Variants in EPHB2 observed in about 807,000 individuals in gnomAD.
The protein encoded by EPHB2 is EPH receptor B2.
Under a neutral mutation model 96.4 loss-of-function variants are expected in EPHB2, and 18 were observed. That is an observed-to-expected ratio of 0.19 (90% CI 0.13 to 0.28). EPHB2 has a LOEUF of 0.28. EPHB2 is among the 10% of genes least tolerant of loss of function. EPHB2 has a pLI of 1.00. For synonymous variants in EPHB2, 506 were observed against 534.1 expected, an observed-to-expected ratio of 0.95 and a Z score of 0.72; for missense variants, 989 against 1,355.4, an observed-to-expected ratio of 0.73 and a Z score of 4.25.
In EPHB2 at chr1:22,913,522, C is replaced by T. The variant is rs779481910; in HGVS notation, c.2913C>T (p.Ile971=). The change falls in exon 16 of 16, where the codon ATC becomes ATT. Residue 971 remains isoleucine (I), a synonymous_variant. Transcript: ENST00000374630. This position sits in a 1 kb window ranked among gnomAD's most constrained non-coding sequence, Gnocchi z 4.1. ...AGHQKKILNS[I]QVMRAQMNQI... ...ACCAGAAAAAAATCCTGAACAGTAT[C>T]CAGGTGATGCGGGCGCAGATGAACC... 1.8e-5 allele frequency: 29 copies of T among 1,614,102 alleles called. No homozygotes were observed. Among genetic ancestry groups the T allele is most frequent in the Middle Eastern group, 1.6e-4 (1 of 6,084 alleles).
Position 22,756,056 on chromosome 1 carries a change from G to T in EPHB2, c.62-25365G>T, listed in dbSNP as rs1385914071. On this transcript the variant is annotated intron_variant, in intron 1 of 15. Transcript: ENST00000374630. ...TGTTCACTACATGGACTCAGGACAA[G>T]TGGGGAGGTGGAAACGCAGGGAGAG... Among the ~76,000 whole-genome samples the T allele has an allele frequency of 3.9e-5, 6 of 152,280 alleles. No individual in the cohort carries two copies. The East Asian group carries it at 1.2e-3, about 30-fold the overall frequency.
intron 9 of EPHB2, among the ~76,000 whole-genome samples, chr1:22,904,413 G>T (rs895220132): frequency 2.0e-5 from 3 of 152,102 alleles, no homozygotes; most frequent in Non-Finnish European, 4.4e-5. Context: ...GAAGCAGCAT[G>T]AATTACTTTT....
At chr1:22,795,446 G>A (rs545154651) in intron 3 of EPHB2, among the ~76,000 whole-genome samples, 3 of 145,486 alleles carry the variant, frequency 2.1e-5, no homozygotes, top group Non-Finnish European at 1.5e-5. Flanking sequence ...AATTCTTCAC[G>A]CCATACTGAA....
intron 3 of EPHB2, among the ~76,000 whole-genome samples, chr1:22,830,271 G>A (rs1031763856): frequency 2.0e-5 from 3 of 152,180 alleles, no homozygotes; most frequent in Non-Finnish European, 2.9e-5. Flanking sequence ...TCTGAGGAGA[G>A]GGGCGGTTCG....
intron 6 of EPHB2, chr1:22,882,752 T>C: frequency 2.4e-6 from 1 of 421,788 alleles, no homozygotes; most frequent in Non-Finnish European, 4.5e-6. Context: ...AACAGTCACA[T>C]CCCTTTCCCT....
At chr1:22,808,698 A>G (rs1204277058) in intron 3 of EPHB2, among the ~76,000 whole-genome samples, 2 of 152,386 alleles carry the variant, frequency 1.3e-5, no homozygotes, top group East Asian at 1.9e-4. Flanking sequence ...CTCTTAATGT[A>G]TATTTAATTC....
chr1:22,864,034 C>CTTTTTTTTTTT (rs201727615), intron 4 of EPHB2, among the ~76,000 whole-genome samples: 1 of 131,190 alleles, frequency 7.6e-6, no homozygotes, highest in East Asian at 2.8e-4. Context: ...AGTTTCTGTT[C>CTTTTTTTTTTT]TTTTTTTTTT....
At chr1:22,773,185 T>C (rs1292479862) in intron 1 of EPHB2, among the ~76,000 whole-genome samples, 2 of 152,228 alleles carry the variant, frequency 1.3e-5, no homozygotes, top group Non-Finnish European at 1.5e-5. Context: ...GATTTTGTCA[T>C]CTCCATTTTA....
intron 1 of EPHB2, among the ~76,000 whole-genome samples, chr1:22,712,298 CT>C (rs1446983309): frequency 1.3e-5 from 2 of 152,172 alleles, no homozygotes; most frequent in Admixed American, 6.5e-5. Context: ...GGTCTGTGGT[CT>C]TTCTTTGAAA....
Position 22,882,488 on chromosome 1 carries a change from C to A in EPHB2, c.1428+5C>A. 1 of 1,613,792 alleles carries A rather than the reference C, an allele frequency of 6.2e-7. No homozygotes were observed. Among genetic ancestry groups the A allele is most frequent in the Non-Finnish European group, 8.5e-7 (1 of 1,179,774 alleles). ...GAGCTGCAGTACTATGAGAAGGTAC[C>A]TATTGGCTGGGTGCTGTCCCCATCA... On this transcript the variant is annotated splice_donor_5th_base_variant and intron_variant, in intron 6 of 15. Coordinates refer to ENST00000374630, the MANE Select transcript of EPHB2 (RefSeq NM_017449.5).
At chr1:22,804,476 C>A (rs982661128) in intron 3 of EPHB2, among the ~76,000 whole-genome samples, 1 of 152,112 alleles carries the variant, frequency 6.6e-6, no homozygotes, top group Non-Finnish European at 1.5e-5. Flanking sequence ...GACGAGACAC[C>A]CCAGTCTGCC....
At chr1:22,804,497 A>G (rs1170744937) in intron 3 of EPHB2, among the ~76,000 whole-genome samples, 1 of 152,084 alleles carries the variant, frequency 6.6e-6, no homozygotes, top group African/African-American at 2.4e-5. Context: ...TGGGCCTGAA[A>G]GCGCACGCTC....
rs55743842 is a variant in EPHB2 at position 22,741,696 on chromosome 1, A to AAAAAAAAAAAAAAC, written c.61+30653_61+30654insAAAAAAAAAAAAAC. On this transcript the variant is annotated intron_variant, in intron 1 of 15. Transcript: ENST00000374630. ...CTTCCCAGCAAAAAAAAACAAAAAA[A>AAAAAAAAAAAAAAC]CAAAAAACCTCAGTTTCTCACGTTG... 7.6e-4 allele frequency among the ~76,000 whole-genome samples: 104 copies of AAAAAAAAAAAAAAC among 137,340 alleles called. 1 individual carries two copies. Among genetic ancestry groups the AAAAAAAAAAAAAAC allele is most frequent in the African/African-American group, 1.4e-3 (54 of 38,002 alleles). 90.1% of individuals were successfully genotyped at this position (137,340 alleles called of 152,430 possible).
intron 3 of EPHB2, among the ~76,000 whole-genome samples, chr1:22,837,211 G>A (rs1244696588): frequency 6.6e-6 from 1 of 152,212 alleles, no homozygotes; most frequent in Non-Finnish European, 1.5e-5. Flanking sequence ...TATAAAGAAA[G>A]CAGCTCAGGC....
chr1:22,876,596 C>G (rs1283382963), intron 5 of EPHB2, among the ~76,000 whole-genome samples: 1 of 152,214 alleles, frequency 6.6e-6, no homozygotes, highest in East Asian at 1.9e-4. Flanking sequence ...CCCTGGGGCT[C>G]CATCTCCTTG....
intron 11 of EPHB2, among the ~76,000 whole-genome samples, chr1:22,907,176 T>C (rs775099432): frequency 6.6e-6 from 1 of 152,210 alleles, no homozygotes; most frequent in Non-Finnish European, 1.5e-5. Flanking sequence ...AGAATTCTTC[T>C]CAGTATGGTT....
intron 9 of EPHB2, among the ~76,000 whole-genome samples, chr1:22,898,672 GC>G (rs1234471846): frequency 6.6e-6 from 1 of 152,176 alleles, no homozygotes; most frequent in African/African-American, 2.4e-5. Context: ...GACCAACGGG[GC>G]TGATGCAAGG....
chr1:22,835,085 G>A (rs1645360171), intron 3 of EPHB2, among the ~76,000 whole-genome samples: 1 of 151,702 alleles, frequency 6.6e-6, no homozygotes, highest in Non-Finnish European at 1.5e-5. Flanking sequence ...GTTCAAAAAA[G>A]GGGTACCTAT....
chr1:22,853,528 A>G lies in EPHB2; in HGVS notation c.812-9509A>G, dbSNP rs558756140. Reference sequence around the variant, plus strand: ...TCCTGGAGCACAGAAGAGCACCCCCAGACCCAGCCCTGGCAGGGGACATCC... The same window carrying G: ...TCCTGGAGCACAGAAGAGCACCCCCGGACCCAGCCCTGGCAGGGGACATCC... On this transcript the variant is annotated intron_variant, in intron 3 of 15. Transcript: ENST00000374630. Among the ~76,000 whole-genome samples the G allele has an allele frequency of 1.9e-4, 29 of 152,368 alleles. No individual in the cohort carries two copies. The South Asian group carries it at 5.4e-3, about 28-fold the overall frequency.
Sources: gnomAD v4.1 joint callset for allele counts (sites outside exome capture counted in the v4.1 genomes callset) on GRCh38, gnomAD v4.1.1 for gene constraint, Gnocchi (gnomAD v3.1) non-coding constraint, MANE v1.5 for transcripts, NCBI Gene and HGNC (gene_info 2026-07-23, HGNC 2026-07-21) for gene names.